Variants in CTNNA2 observed in about 807,000 individuals in gnomAD.
CTNNA2 encodes catenin alpha-2.
In CTNNA2, 42 loss-of-function variants were observed where a neutral mutation model predicts 101.0. That is an observed-to-expected ratio of 0.42 (90% CI 0.32 to 0.54). The LOEUF is 0.54. Among genes scored for constraint, CTNNA2 ranks in the 20% least tolerant of loss-of-function variants. The pLI is 0.14. For synonymous variants in CTNNA2, 450 were observed against 456.4 expected, an observed-to-expected ratio of 0.99 and a Z score of 0.18; for missense variants, 871 against 1,223.1, an observed-to-expected ratio of 0.71 and a Z score of 4.29.
intron 7 of CTNNA2, among the ~76,000 whole-genome samples, chr2:79,965,936 T>C (rs1690026050): frequency 6.6e-6 from 1 of 151,852 alleles, no homozygotes; most frequent in Non-Finnish European, 1.5e-5. Flanking sequence ...TATTGGTATC[T>C]TGAAACATCT....
chr2:79,480,645 A>G (rs1265410077), intron 4 of CTNNA2, among the ~76,000 whole-genome samples: 1 of 152,120 alleles, frequency 6.6e-6, no homozygotes, highest in Non-Finnish European at 1.5e-5. Context: ...AAGTTAATTT[A>G]CTAATCTCTT....
At chr2:80,075,862 C>G (rs1698711516) in intron 7 of CTNNA2, among the ~76,000 whole-genome samples, 1 of 149,690 alleles carries the variant, frequency 6.7e-6, no homozygotes, top group South Asian at 2.1e-4. Context: ...CCACCTGTGT[C>G]TTAGGCCATC....
At chr2:79,229,620 G>T (rs1165839334) in intron 2 of CTNNA2, among the ~76,000 whole-genome samples, 1 of 152,140 alleles carries the variant, frequency 6.6e-6, no homozygotes, top group East Asian at 1.9e-4. Flanking sequence ...CAGTAGAGTG[G>T]GGCATTGCTG....
intron 2 of CTNNA2, among the ~76,000 whole-genome samples, chr2:79,218,352 T>TGTGTGTGTA (rs1491322056): frequency 0.25 from 20,223 of 80,684 alleles, 1,970 homozygotes; most frequent in Non-Finnish European, 0.29. Context: ...TGTGTGTGTA[T>TGTGTGTGTA]TTTTTTTTTT....
chr2:79,603,345 G>A (rs989163724), intron 1 of CTNNA2, among the ~76,000 whole-genome samples: 13 of 152,080 alleles, frequency 8.5e-5, no homozygotes, highest in East Asian at 3.9e-4. Context: ...GAAGGATTTC[G>A]TTCATAAAAC....
intron 12 of CTNNA2, among the ~76,000 whole-genome samples, chr2:80,563,432 A>G (rs1182795001): frequency 6.6e-6 from 1 of 152,232 alleles, no homozygotes; most frequent in Non-Finnish European, 1.5e-5. Flanking sequence ...TGGTAATGAA[A>G]AAATGGGAAC....
At chr2:79,970,758 T>C (rs529714885) in intron 7 of CTNNA2, among the ~76,000 whole-genome samples, 1 of 152,184 alleles carries the variant, frequency 6.6e-6, no homozygotes, top group African/African-American at 2.4e-5. Context: ...CAATTTGACA[T>C]CCTTTCATCC....
intron 4 of CTNNA2, among the ~76,000 whole-genome samples, chr2:79,459,743 C>T (rs182447230): frequency 6.6e-6 from 1 of 152,202 alleles, no homozygotes; most frequent in Non-Finnish European, 1.5e-5. Context: ...AGCATTGGTC[C>T]TTTTGATCAC....
intron 3 of CTNNA2, among the ~76,000 whole-genome samples, chr2:79,323,456 G>A (rs1048343518): frequency 6.8e-6 from 1 of 148,138 alleles, no homozygotes; most frequent in Non-Finnish European, 1.5e-5. Context: ...AGAAGATAAA[G>A]GTAAATAAGG....
At chr2:79,746,740 A>T (rs1671678657) in intron 3 of CTNNA2, among the ~76,000 whole-genome samples, 1 of 152,176 alleles carries the variant, frequency 6.6e-6, no homozygotes, top group Non-Finnish European at 1.5e-5. Flanking sequence ...TCCCAGCTCA[A>T]GGAATACCTT....
chr2:80,166,428 G>T (rs1704699972), intron 7 of CTNNA2, among the ~76,000 whole-genome samples: 1 of 152,132 alleles, frequency 6.6e-6, no homozygotes, highest in South Asian at 2.1e-4. Flanking sequence ...AAGGGATGGG[G>T]TCAGAGAGCT....
chr2:80,186,106 C>T (rs965571231), intron 7 of CTNNA2, among the ~76,000 whole-genome samples: 5 of 152,172 alleles, frequency 3.3e-5, no homozygotes, highest in African/African-American at 4.8e-5. Flanking sequence ...TCCAACCCCA[C>T]CCCACCCCCA....
chr2:79,413,276 T>C (rs1678438230), intron 4 of CTNNA2, among the ~76,000 whole-genome samples: 1 of 152,066 alleles, frequency 6.6e-6, no homozygotes. Flanking sequence ...TTTGGCTCAT[T>C]TAGAGTCTAT....
At chr2:80,031,612 T>C (rs547259334) in intron 7 of CTNNA2, among the ~76,000 whole-genome samples, 12 of 152,204 alleles carry the variant, frequency 7.9e-5, no homozygotes, top group Non-Finnish European at 1.3e-4. Context: ...TGAGATTTTG[T>C]TGGGGACACG....
chr2:80,629,828 G>T (rs745383492), intron 18 of CTNNA2, among the ~76,000 whole-genome samples: 4 of 152,146 alleles, frequency 2.6e-5, no homozygotes, highest in African/African-American at 9.7e-5. Flanking sequence ...ACGTATCCTG[G>T]AGTGGGTGGC....
chr2:79,217,192 C>T (rs1239084496), intron 2 of CTNNA2, among the ~76,000 whole-genome samples: 2 of 152,150 alleles, frequency 1.3e-5, no homozygotes, highest in Non-Finnish European at 2.9e-5. Context: ...GTTCCTTGGG[C>T]TGGTGGGTCT....
rs559675682 is a variant in CTNNA2, at chr2:79,717,176, ATTTAAATT to A, written c.103-27197_103-27190del. 1.5e-3 allele frequency among the ~76,000 whole-genome samples: 235 copies of A among 152,326 alleles called. 2 individuals carry two copies. Among genetic ancestry groups the A allele is most frequent in the African/African-American group, 5.4e-3 (223 of 41,590 alleles). ...TTTTTGGTGTAAGACTTTTGGCACT[ATTTAAATT>A]TTTAAATTTTTAACTATGTAAGTAT... On this transcript the variant is annotated intron_variant, in intron 2 of 18. Transcript: ENST00000402739.
chr2:80,337,162 T>C (rs962499512), intron 7 of CTNNA2, among the ~76,000 whole-genome samples: 1 of 152,144 alleles, frequency 6.6e-6, no homozygotes, highest in African/African-American at 2.4e-5. Flanking sequence ...GAGACCATCC[T>C]GGTTGACATG....
At chr2:80,513,867 C>T (rs1181403252) in intron 9 of CTNNA2, among the ~76,000 whole-genome samples, 2 of 152,138 alleles carry the variant, frequency 1.3e-5, no homozygotes, top group Non-Finnish European at 2.9e-5. Context: ...TTTCTGGATT[C>T]TTCCCTCTGC....
Sources: allele counts gnomAD v4.1 joint callset (sites outside exome capture counted in the v4.1 genomes callset), GRCh38; gene constraint gnomAD v4.1.1; transcripts MANE v1.5; gene names NCBI Gene and HGNC (gene_info 2026-07-23, HGNC 2026-07-21).